Variants in RAB5A observed in about 807,000 individuals in gnomAD.
RAB5A encodes ras-related protein Rab-5A.
RAB5A carries 8 observed loss-of-function variants against 25.7 expected under a neutral mutation model. The ratio of observed to expected loss-of-function variants is 0.31; its 90% CI spans 0.18 to 0.56. The LOEUF (loss-of-function observed/expected upper bound fraction) is 0.56. Among genes scored for constraint, RAB5A ranks in the 20% least tolerant of loss-of-function variants. RAB5A has a pLI of 0.91. For synonymous variants in RAB5A, 98 were observed against 89.8 expected, an observed-to-expected ratio of 1.09 and a Z score of -0.52; for missense variants, 192 against 259.7, an observed-to-expected ratio of 0.74 and a Z score of 1.79.
chr3:19,950,811 T>G lies in RAB5A; in HGVS notation c.-88T>G. The G allele has an allele frequency of 8.9e-6, 12 of 1,346,474 alleles. No individual in the cohort carries two copies. The highest frequency in any genetic ancestry group is 1.2e-5 in the Non-Finnish European group (12 of 993,678). The allele number at this position is 1,346,474 out of a possible 1,614,324, so 83.4% of individuals were successfully genotyped here. Reference sequence around the variant, plus strand: ...TCATAATTGTTTCTTTACAGGTTTCTTTACCTCCAGAAAGAAGAATATTGG... The same window carrying G: ...TCATAATTGTTTCTTTACAGGTTTCGTTACCTCCAGAAAGAAGAATATTGG... On this transcript the variant is annotated 5_prime_UTR_variant, in exon 2 of 6. Coordinates refer to ENST00000273047, the MANE Select transcript of RAB5A (RefSeq NM_004162.5).
chr3:19,982,280 G>C (rs1405259545), intron 5 of RAB5A, among the ~76,000 whole-genome samples: 1 of 152,102 alleles, frequency 6.6e-6, no homozygotes. Flanking sequence ...TTCAAACTAA[G>C]ATCACAACGA....
rs561284622 is a variant in RAB5A, at chr3:19,978,419, CTT to C, written c.532+20_532+21del. ...ATGGCAATAGGTAAGATTAATATCTCTTTTTAAATGATCAATATAAGCAAAAC... is the reference window on the plus strand; with the variant it reads ...ATGGCAATAGGTAAGATTAATATCTCTTTAAATGATCAATATAAGCAAAAC... On this transcript the variant is annotated intron_variant, in intron 5 of 5. Transcript: ENST00000273047. 2.3e-5 allele frequency: 35 copies of C among 1,518,906 alleles called. No individual in the cohort carries two copies. Among genetic ancestry groups the C allele is most frequent in the Middle Eastern group, 1.7e-4 (1 of 5,862 alleles). The allele number at this position is 1,518,906 out of a possible 1,614,324, so 94.1% of individuals were successfully genotyped here. A position where few individuals can be genotyped will look rare whatever the true frequency, so the allele number is the denominator to read the frequency against.
rs563433227 is a variant in RAB5A at position 19,951,935 on chromosome 3, G to A, written c.163+874G>A. On this transcript the variant is annotated intron_variant, in intron 2 of 5. Transcript: ENST00000273047. ...TGAAGAAAAAGATGAAAGAAGAAGGGAAAGAGTAGGCACTGACAAGGGTGG... is the reference window on the plus strand; with the variant it reads ...TGAAGAAAAAGATGAAAGAAGAAGGAAAAGAGTAGGCACTGACAAGGGTGG... Among the ~76,000 whole-genome samples the A allele has an allele frequency of 2.2e-3, 331 of 152,174 alleles. 1 individual carries two copies. Among genetic ancestry groups the A allele is most frequent in the Non-Finnish European group, 3.3e-3 (225 of 68,000 alleles).
At position 19,984,832 on chromosome 3, in the gene RAB5A, C is replaced by CT. The variant is rs1456720708; in HGVS notation, c.*1012dup. ...AACAGCTAATTATTTCTCTCTCCCC[C>CT]TTTGACAGGAAGGGGCTTCAGTTGT... is the stretch of plus-strand genomic sequence containing the variant. On this transcript the variant is annotated 3_prime_UTR_variant, in exon 6 of 6. Coordinates refer to ENST00000273047, the MANE Select transcript of RAB5A (RefSeq NM_004162.5). 1 of 152,934 alleles carries CT rather than the reference C, an allele frequency of 6.5e-6. No individual in the cohort carries two copies. The highest frequency in any genetic ancestry group is 1.5e-5 in the Non-Finnish European group (1 of 68,324). The allele number at this position is 152,934 out of a possible 1,614,324, so 9.5% of individuals were successfully genotyped here.
chr3:19,971,564 C>T (rs1277158240), intron 2 of RAB5A, among the ~76,000 whole-genome samples: 1 of 151,968 alleles, frequency 6.6e-6, no homozygotes, highest in African/African-American at 2.4e-5. Context: ...CTCTGCCTCC[C>T]GAGTTCAAGT....
chr3:19,964,523 G>A (rs1390357019), intron 2 of RAB5A, among the ~76,000 whole-genome samples: 2 of 152,222 alleles, frequency 1.3e-5, no homozygotes, highest in Non-Finnish European at 2.9e-5. Context: ...CAATCACAGG[G>A]TCTTAGCCCT....
At chr3:19,967,095 T>C (rs184619481) in intron 2 of RAB5A, among the ~76,000 whole-genome samples, 2 of 152,322 alleles carry the variant, frequency 1.3e-5, no homozygotes, top group East Asian at 3.9e-4. Flanking sequence ...CCAGCTCTTA[T>C]TGGTCATTTG....
intron 2 of RAB5A, among the ~76,000 whole-genome samples, chr3:19,970,175 C>T (rs1164278666): frequency 6.6e-6 from 1 of 152,230 alleles, no homozygotes; most frequent in Non-Finnish European, 1.5e-5. Flanking sequence ...GCTGGGATTA[C>T]AGGCGTGAGC....
At chr3:19,960,291 A>G (rs561891631) in intron 2 of RAB5A, among the ~76,000 whole-genome samples, 6 of 152,274 alleles carry the variant, frequency 3.9e-5, no homozygotes, top group African/African-American at 7.2e-5. Flanking sequence ...AAGAAAAGCA[A>G]TAAGAGTACT....
At chr3:19,959,352 C>G (rs574752026) in intron 2 of RAB5A, among the ~76,000 whole-genome samples, 1 of 151,822 alleles carries the variant, frequency 6.6e-6, no homozygotes, top group South Asian at 2.1e-4. Context: ...TAATCTGGTG[C>G]TATATATTAA....
At chr3:19,969,030 G>GTTTT (rs202101955) in intron 2 of RAB5A, among the ~76,000 whole-genome samples, 3 of 112,186 alleles carry the variant, frequency 2.7e-5, no homozygotes, top group African/African-American at 9.0e-5. Context: ...TTTTGGTTTT[G>GTTTT]GTTTTTTTTT....
At chr3:19,978,984 T>C (rs1456001019) in intron 5 of RAB5A, 1 of 96,232 alleles carries the variant, frequency 1.0e-5, no homozygotes, top group Non-Finnish European at 2.3e-5. Context: ...TTTAAGGTAC[T>C]TTTTTTTTTT....
rs541065720 is a variant in RAB5A, at chr3:19,958,855, C to T, written c.163+7794C>T. Among the ~76,000 whole-genome samples, 5 of 152,086 alleles carry T rather than the reference C, an allele frequency of 3.3e-5. No homozygotes were observed. In the East Asian group the frequency reaches 7.7e-4, roughly 24 times the overall value. Reference sequence around the variant, plus strand: ...AGGGGAGACTGAGACATGAGAATTGCTTCAACCTGGGAGGCGGAGGTTGCA... The same window carrying T: ...AGGGGAGACTGAGACATGAGAATTGTTTCAACCTGGGAGGCGGAGGTTGCA... On this transcript the variant is annotated intron_variant, in intron 2 of 5. Coordinates refer to ENST00000273047, the MANE Select transcript of RAB5A (RefSeq NM_004162.5).
intron 2 of RAB5A, among the ~76,000 whole-genome samples, chr3:19,957,840 A>G (rs569310790): frequency 5.3e-5 from 8 of 152,162 alleles, no homozygotes; most frequent in Non-Finnish European, 1.0e-4. Context: ...ATACATATGT[A>G]TATATTGTAA....
intron 2 of RAB5A, among the ~76,000 whole-genome samples, chr3:19,960,887 AAAG>A (rs1481989142): frequency 3.3e-5 from 5 of 152,208 alleles, no homozygotes; most frequent in African/African-American, 4.8e-5. Flanking sequence ...TTTGGGCCCC[AAAG>A]AAGAAGTGGG....
At position 19,950,916 on chromosome 3, in the gene RAB5A, A is replaced by C. The variant is rs761706329; in HGVS notation, c.18A>C (p.Ala6=). 3.0e-5 allele frequency: 49 copies of C among 1,612,844 alleles called. No individual in the cohort carries two copies. The highest frequency in any genetic ancestry group is 4.2e-5 in the Non-Finnish European group (49 of 1,179,538). The part of the protein sequence containing the change: MASRG[A]TRPNGPNTGN... ...ATTTGGACATGGCTAGTCGAGGCGC[A>C]ACAAGACCCAACGGGCCAAATACGG... The change falls in exon 2 of 6, where the codon GCA becomes GCC. Residue 6 remains alanine (A), a synonymous_variant. Transcript: ENST00000273047.
intron 2 of RAB5A, among the ~76,000 whole-genome samples, chr3:19,953,813 A>G (rs1336476193): frequency 1.3e-5 from 2 of 152,172 alleles, no homozygotes; most frequent in Non-Finnish European, 2.9e-5. Context: ...TGTGGACACT[A>G]TTCTTTTATG....
chr3:19,983,566 T>C, intron 5 of RAB5A, 142 bp from the exon 6 acceptor site: 1 of 642,954 alleles, frequency 1.6e-6, no homozygotes, highest in Non-Finnish European at 2.8e-6. Flanking sequence ...CAATACTCAG[T>C]AAACATTTGA....
intron 2 of RAB5A, among the ~76,000 whole-genome samples, chr3:19,964,153 C>CACATTTG (rs1166877753): frequency 6.6e-6 from 1 of 152,148 alleles, no homozygotes; most frequent in Non-Finnish European, 1.5e-5. Flanking sequence ...GCTATCCTTG[C>CACATTTG]ACATTTGACA....
Sources: gnomAD v4.1 joint callset for allele counts (sites outside exome capture counted in the v4.1 genomes callset) on GRCh38, gnomAD v4.1.1 for gene constraint, MANE v1.5 for transcripts, NCBI Gene and HGNC (gene_info 2026-07-23, HGNC 2026-07-21) for gene names.